The following GPC6 variants were observed in gnomAD, a reference collection of about 807,000 sequenced individuals.
GPC6 encodes the protein glypican 6, also known as glypican-6.
In GPC6, 14 loss-of-function variants were observed where a neutral mutation model predicts 55.2. That is an observed-to-expected ratio of 0.25 (90% CI 0.17 to 0.40). GPC6 has a LOEUF of 0.40. GPC6 is among the 10% of genes least tolerant of loss of function. The pLI is 1.00. For missense variants in GPC6, 641 were observed against 708.5 expected (o/e 0.90, Z 1.08); for synonymous variants, 278 against 259.6 (o/e 1.07, Z -0.68).
At chr13:94,271,294 G>A (rs1220791189) in intron 4 of GPC6, among the ~76,000 whole-genome samples, 1 of 151,238 alleles carries the variant, frequency 6.6e-6, no homozygotes, top group African/African-American at 2.4e-5. Flanking sequence ...CCTGGCCACA[G>A]AGAAGTATAA....
chr13:94,204,815 C>T (rs1471553948), intron 4 of GPC6, among the ~76,000 whole-genome samples: 1 of 152,162 alleles, frequency 6.6e-6, no homozygotes, highest in Non-Finnish European at 1.5e-5. Flanking sequence ...ACTCAGTCAG[C>T]CTTGTTCAGC....
chr13:94,191,957 T>A (rs1889409648), intron 4 of GPC6, among the ~76,000 whole-genome samples: 1 of 152,142 alleles, frequency 6.6e-6, no homozygotes, highest in African/African-American at 2.4e-5. Context: ...CCTCTTATAC[T>A]TGAAGAGAAG....
intron 1 of GPC6, among the ~76,000 whole-genome samples, chr13:93,414,080 T>A (rs976381490): frequency 6.6e-6 from 1 of 152,192 alleles, no homozygotes; most frequent in East Asian, 1.9e-4. Context: ...ACCACATATT[T>A]GCCTATGCTA....
intron 4 of GPC6, among the ~76,000 whole-genome samples, chr13:94,178,987 C>G (rs1275127332): frequency 1.3e-5 from 2 of 152,154 alleles, no homozygotes; most frequent in East Asian, 3.9e-4. Flanking sequence ...CTACTGAGTT[C>G]CCCCTTTCTT....
chr13:94,081,315 A>AT (rs910847839), intron 4 of GPC6, among the ~76,000 whole-genome samples: 6 of 152,014 alleles, frequency 3.9e-5, no homozygotes, highest in South Asian at 2.1e-4. Flanking sequence ...ATCCTAAACT[A>AT]TTTTTTTACC....
intron 1 of GPC6, among the ~76,000 whole-genome samples, chr13:93,321,657 T>G (rs1457789083): frequency 6.6e-6 from 1 of 152,204 alleles, no homozygotes; most frequent in Non-Finnish European, 1.5e-5. Flanking sequence ...TAAAAAATGA[T>G]TTTTCTTAAA....
chr13:94,211,085 C>G (rs945081036), intron 4 of GPC6, among the ~76,000 whole-genome samples: 4 of 152,156 alleles, frequency 2.6e-5, no homozygotes, highest in African/African-American at 9.7e-5. Flanking sequence ...CACTGATGTT[C>G]AACTTTCCTT....
At chr13:94,069,688 AC>A (rs1440818558) in intron 4 of GPC6, among the ~76,000 whole-genome samples, 1 of 152,194 alleles carries the variant, frequency 6.6e-6, no homozygotes, top group East Asian at 1.9e-4. Flanking sequence ...TCAAAGTTCC[AC>A]AGATCTATAG....
chr13:93,462,721 T>G (rs888851529), intron 1 of GPC6, among the ~76,000 whole-genome samples: 1 of 151,500 alleles, frequency 6.6e-6, no homozygotes, highest in Non-Finnish European at 1.5e-5. Context: ...AGTAAAACAT[T>G]ATAGTAAAGA....
chr13:93,550,118 G>A (rs1447686316), intron 2 of GPC6, among the ~76,000 whole-genome samples: 1 of 152,002 alleles, frequency 6.6e-6, no homozygotes, highest in Admixed American at 6.6e-5. Flanking sequence ...GGTGTTTTTT[G>A]TAAAAGCCTT....
At chr13:93,494,071 G>T (rs1263907113) in intron 1 of GPC6, among the ~76,000 whole-genome samples, 1 of 124,802 alleles carries the variant, frequency 8.0e-6, no homozygotes, top group East Asian at 3.3e-4. Context: ...CAATTCCTGG[G>T]TATCCTTGTT....
At chr13:94,355,811 G>A (rs369559335) in intron 6 of GPC6, among the ~76,000 whole-genome samples, 44 of 152,004 alleles carry the variant, frequency 2.9e-4, no homozygotes, top group African/African-American at 9.9e-4. Flanking sequence ...GGATACATGC[G>A]CAGGACATGC....
At chr13:93,674,088 G>T (rs747357817) in intron 2 of GPC6, among the ~76,000 whole-genome samples, 6 of 152,040 alleles carry the variant, frequency 3.9e-5, no homozygotes, top group Non-Finnish European at 5.9e-5. Flanking sequence ...CAGCAGTAGA[G>T]ATAACCACGT....
intron 3 of GPC6, among the ~76,000 whole-genome samples, chr13:93,876,789 C>T (rs955088044): frequency 1.3e-5 from 2 of 151,898 alleles, no homozygotes; most frequent in Non-Finnish European, 2.9e-5. Flanking sequence ...ATCTAGCAAC[C>T]ATTTTGCTCT....
At chr13:94,281,426 A>AT (rs1472433869) in intron 4 of GPC6, among the ~76,000 whole-genome samples, 1 of 151,954 alleles carries the variant, frequency 6.6e-6, no homozygotes, top group Non-Finnish European at 1.5e-5. Context: ...ATATCATATC[A>AT]TTTTTTTAAA....
At chr13:93,613,956 T>C (rs903160586) in intron 2 of GPC6, among the ~76,000 whole-genome samples, 2 of 152,172 alleles carry the variant, frequency 1.3e-5, no homozygotes, top group African/African-American at 4.8e-5. Flanking sequence ...TTCCAGTCAA[T>C]TTAGAACAAT....
intron 3 of GPC6, among the ~76,000 whole-genome samples, chr13:93,977,438 G>A (rs1421717368): frequency 6.8e-6 from 1 of 147,184 alleles, no homozygotes; most frequent in Non-Finnish European, 1.5e-5. Flanking sequence ...AGCCAAATTG[G>A]TTTTCTATGA....
chr13:93,287,804 C>T (rs551171695), intron 1 of GPC6, among the ~76,000 whole-genome samples: 116 of 152,094 alleles, frequency 7.6e-4, no homozygotes, highest in African/African-American at 2.3e-3. Flanking sequence ...TTTGCAAATG[C>T]GTTAGAAGTT....
At chr13:94,248,674 TGAGAGAGAGA>T (rs142240819) in intron 4 of GPC6, among the ~76,000 whole-genome samples, 1 of 146,648 alleles carries the variant, frequency 6.8e-6, no homozygotes, top group Admixed American at 6.8e-5. Flanking sequence ...CATTTCAGGC[TGAGAGAGAGA>T]GAGAGAGAGA....
Sources: gnomAD v4.1 joint callset for allele counts (sites outside exome capture counted in the v4.1 genomes callset) on GRCh38, gnomAD v4.1.1 for gene constraint, MANE v1.5 for transcripts, NCBI Gene and HGNC (gene_info 2026-07-23, HGNC 2026-07-21) for gene names.